Variants in SEMA6D observed in about 807,000 individuals in gnomAD.
The protein encoded by SEMA6D is semaphorin-6D.
A neutral mutation model predicts 106.6 loss-of-function variants in SEMA6D; 35 were observed. The observed-to-expected ratio is 0.33, with a 90% CI of 0.25 to 0.44. SEMA6D has a LOEUF of 0.44. Among genes scored for constraint, SEMA6D ranks in the 20% least tolerant of loss-of-function variants. The pLI is 1.00. For synonymous variants in SEMA6D, 499 were observed against 487.7 expected, an observed-to-expected ratio of 1.02 and a Z score of -0.31; for missense variants, 1,185 against 1,345.9, an observed-to-expected ratio of 0.88 and a Z score of 1.87.
intron 1 of SEMA6D, among the ~76,000 whole-genome samples, chr15:47,735,040 CT>C (rs1006441002): frequency 3.9e-5 from 6 of 152,116 alleles, no homozygotes; most frequent in Non-Finnish European, 7.3e-5. Context: ...CACTCCTGTA[CT>C]TTTGCCACAC....
At chr15:47,546,235 T>A (rs2045517690) in intron 3 of SEMA6D, among the ~76,000 whole-genome samples, 1 of 152,028 alleles carries the variant, frequency 6.6e-6, no homozygotes, top group African/African-American at 2.4e-5. Flanking sequence ...GAGTTCAGAG[T>A]GTCACCAAAA....
At chr15:47,680,590 G>A (rs1281707507) in intron 4 of SEMA6D, among the ~76,000 whole-genome samples, 1 of 152,030 alleles carries the variant, frequency 6.6e-6, no homozygotes, top group East Asian at 1.9e-4. Context: ...AGAAAATCAG[G>A]TCATTATTGA....
At chr15:47,512,024 T>C (rs1566845192) in intron 3 of SEMA6D, among the ~76,000 whole-genome samples, 1 of 152,238 alleles carries the variant, frequency 6.6e-6, no homozygotes, top group Non-Finnish European at 1.5e-5. Flanking sequence ...CTTTTTTCCT[T>C]TGAATCTGAC....
At chr15:47,685,542 A>G (rs1026749400) in intron 4 of SEMA6D, among the ~76,000 whole-genome samples, 2 of 152,158 alleles carry the variant, frequency 1.3e-5, no homozygotes, top group Non-Finnish European at 2.9e-5. Flanking sequence ...CATATTTATC[A>G]AACTTTGCCC....
chr15:47,348,937 C>A (rs2038199301), intron 1 of SEMA6D, among the ~76,000 whole-genome samples: 1 of 151,936 alleles, frequency 6.6e-6, no homozygotes, highest in Non-Finnish European at 1.5e-5. Context: ...GAAATTAGAT[C>A]CCTTCTGTGG....
chr15:47,423,937 C>T (rs1595960380), intron 2 of SEMA6D, among the ~76,000 whole-genome samples: 2 of 152,142 alleles, frequency 1.3e-5, no homozygotes, highest in Middle Eastern at 3.4e-3. Context: ...TGCAACCAGG[C>T]ATAATTTGTT....
At chr15:47,272,345 C>G (rs187559300) in intron 1 of SEMA6D, among the ~76,000 whole-genome samples, 1 of 152,154 alleles carries the variant, frequency 6.6e-6, no homozygotes, top group Non-Finnish European at 1.5e-5. Context: ...GCCTATGTAT[C>G]TCTTACCTGC....
At chr15:47,242,580 G>T (rs2032977650) in intron 1 of SEMA6D, among the ~76,000 whole-genome samples, 1 of 152,188 alleles carries the variant, frequency 6.6e-6, no homozygotes, top group African/African-American at 2.4e-5. Context: ...TGGGGGTCAG[G>T]CTTGAAGTTT....
chr15:47,668,922 G>A (rs2078085110), intron 4 of SEMA6D, among the ~76,000 whole-genome samples: 1 of 152,016 alleles, frequency 6.6e-6, no homozygotes, highest in Non-Finnish European at 1.5e-5. Context: ...CTGACGTTAA[G>A]GTACATCTTT....
chr15:47,503,419 A>G (rs2043924046), intron 3 of SEMA6D, among the ~76,000 whole-genome samples: 1 of 152,190 alleles, frequency 6.6e-6, no homozygotes, highest in South Asian at 2.1e-4. Flanking sequence ...GGTGAAGTCA[A>G]AAGAAAGGCT....
At chr15:47,683,442 G>C (rs897408309) in intron 4 of SEMA6D, among the ~76,000 whole-genome samples, 1 of 152,078 alleles carries the variant, frequency 6.6e-6, no homozygotes, top group Non-Finnish European at 1.5e-5. Flanking sequence ...CCACCGAAAA[G>C]CGCTAATGTC....
At chr15:47,316,984 T>C (rs575829444) in intron 1 of SEMA6D, among the ~76,000 whole-genome samples, 1 of 152,308 alleles carries the variant, frequency 6.6e-6, no homozygotes, top group African/African-American at 2.4e-5. Flanking sequence ...TTGCAGAGAA[T>C]TGGTATGAAT....
At chr15:47,334,312 C>T (rs1301204922) in intron 1 of SEMA6D, among the ~76,000 whole-genome samples, 1 of 152,144 alleles carries the variant, frequency 6.6e-6, no homozygotes, top group Non-Finnish European at 1.5e-5. Context: ...TTCTGTGAGC[C>T]ACTCCAGCAA....
rs199958682 is a variant in SEMA6D, at chr15:47,267,890, CT to C, written c.-239+83479del. The stretch of plus-strand genomic sequence containing the variant: ...TACGTTACTTATCTTTTTTTGTTTG[CT>C]TTTTTTCTATTAAAGAAACATAACT... On this transcript the variant is annotated intron_variant, in intron 1 of 19. Coordinates refer to the SEMA6D transcript ENST00000558014. Among the ~76,000 whole-genome samples the C allele has an allele frequency of 6.4e-4, 98 of 151,942 alleles. 1 individual carries two copies. The highest frequency in any genetic ancestry group is 2.3e-3 in the African/African-American group (95 of 41,468).
At chr15:47,659,434 C>G (rs1285541133) in intron 4 of SEMA6D, among the ~76,000 whole-genome samples, 1 of 151,648 alleles carries the variant, frequency 6.6e-6, no homozygotes, top group Admixed American at 6.6e-5. Flanking sequence ...ATACCTATGT[C>G]TGTGACTAAA....
intron 1 of SEMA6D, among the ~76,000 whole-genome samples, chr15:47,359,191 T>A (rs903425164): frequency 6.6e-6 from 1 of 152,170 alleles, no homozygotes; most frequent in Non-Finnish European, 1.5e-5. Flanking sequence ...GTGATACATA[T>A]CACATATTTG....
rs185074877 is a variant in SEMA6D at position 47,308,899 on chromosome 15, T to G, written c.-238-103494T>G. ...CAACTAACCCATTTGAACATTTTTA[T>G]TTTCTTTTCTGTCAGTTATTGATTT... On this transcript the variant is annotated intron_variant, in intron 1 of 19. Transcript: ENST00000558014. 3.3e-5 allele frequency among the ~76,000 whole-genome samples: 5 copies of G among 152,234 alleles called. No homozygotes were observed. In the East Asian group the frequency reaches 9.7e-4, roughly 29 times the overall value.
intron 1 of SEMA6D, among the ~76,000 whole-genome samples, chr15:47,253,535 A>T (rs759777886): frequency 6.6e-6 from 1 of 152,198 alleles, no homozygotes; most frequent in Non-Finnish European, 1.5e-5. Flanking sequence ...TGATTTTTGT[A>T]TAAGGTAAGA....
chr15:47,460,644 C>A (rs1181775133), intron 2 of SEMA6D, among the ~76,000 whole-genome samples: 1 of 152,018 alleles, frequency 6.6e-6, no homozygotes, highest in Non-Finnish European at 1.5e-5. Context: ...GTCTTCCAAC[C>A]TTTTGTGCAG....
Sources: allele counts gnomAD v4.1 joint callset (sites outside exome capture counted in the v4.1 genomes callset), GRCh38; gene constraint gnomAD v4.1.1; transcripts MANE v1.5; gene names NCBI Gene and HGNC (gene_info 2026-07-23, HGNC 2026-07-21).